The following ENTREP2 variants were observed in gnomAD, a reference collection of about 807,000 sequenced individuals.
ENTREP2 encodes the protein protein ENTREP2.
At chr15:29,480,260 T>A in the ENTREP2 span, among the ~76,000 whole-genome samples, 1 of 146,874 alleles carries the variant, frequency 6.8e-6, no homozygotes, top group African/African-American at 2.5e-5. Flanking sequence ...GAAGCTACAA[T>A]TTCAGTTTTA....
the ENTREP2 span, among the ~76,000 whole-genome samples, chr15:29,241,846 A>C: frequency 7.0e-6 from 1 of 143,146 alleles, no homozygotes; most frequent in African/African-American, 2.6e-5. Context: ...TAGCCTATGC[A>C]ATACAGTGAG....
At chr15:29,122,895 G>C in the ENTREP2 span, 1 of 157,206 alleles carries the variant, frequency 6.4e-6, no homozygotes, top group African/African-American at 2.4e-5. Context: ...TTCATGACTC[G>C]ATGTCACCCT....
the ENTREP2 span, among the ~76,000 whole-genome samples, chr15:29,227,936 G>A: frequency 6.6e-6 from 1 of 151,910 alleles, no homozygotes; most frequent in Admixed American, 6.6e-5. Flanking sequence ...ACAGGATTGA[G>A]ACTAAACATC....
chr15:29,237,925 A>G, the ENTREP2 span, among the ~76,000 whole-genome samples: 7 of 152,192 alleles, frequency 4.6e-5, no homozygotes, highest in African/African-American at 1.7e-4. Flanking sequence ...CACTGTTCAT[A>G]ATAGCCAAAA....
the ENTREP2 span, among the ~76,000 whole-genome samples, chr15:29,645,177 C>A: frequency 6.6e-6 from 1 of 152,158 alleles, no homozygotes; most frequent in Non-Finnish European, 1.5e-5. Context: ...GAAAAGAAAT[C>A]CATGGCCCTC....
the ENTREP2 span, among the ~76,000 whole-genome samples, chr15:29,487,018 T>C: frequency 6.6e-6 from 1 of 152,118 alleles, no homozygotes; most frequent in African/African-American, 2.4e-5. Context: ...TTATATATTC[T>C]CAAAAAGCTA....
chr15:29,154,573 A>G, the ENTREP2 span, among the ~76,000 whole-genome samples: 9 of 152,208 alleles, frequency 5.9e-5, no homozygotes, highest in Admixed American at 1.3e-4. Context: ...ATCTTTCACC[A>G]CAAAGGCTAT....
At chr15:29,513,352 G>C in the ENTREP2 span, among the ~76,000 whole-genome samples, 1 of 152,140 alleles carries the variant, frequency 6.6e-6, no homozygotes, top group Admixed American at 6.6e-5. Flanking sequence ...AAAATATGAA[G>C]CCACTAAAAG....
At chr15:29,297,965 C>A in the ENTREP2 span, among the ~76,000 whole-genome samples, 53 of 152,210 alleles carry the variant, frequency 3.5e-4, no homozygotes, top group Non-Finnish European at 7.2e-4. Flanking sequence ...GCTGAATGCA[C>A]ATGGTTTTTA....
the ENTREP2 span, among the ~76,000 whole-genome samples, chr15:29,647,452 A>G: frequency 6.6e-6 from 1 of 152,208 alleles, no homozygotes; most frequent in African/African-American, 2.4e-5. Flanking sequence ...GGTTTCCCGC[A>G]GTGCCCCACT....
the ENTREP2 span, among the ~76,000 whole-genome samples, chr15:29,343,648 C>T: frequency 6.6e-6 from 1 of 152,006 alleles, no homozygotes; most frequent in African/African-American, 2.4e-5. Flanking sequence ...CTCTGGAGAA[C>T]CCTGATTAAC....
chr15:29,389,396 G>A, the ENTREP2 span, among the ~76,000 whole-genome samples: 134 of 152,166 alleles, frequency 8.8e-4, no homozygotes, highest in African/African-American at 3.1e-3. Context: ...TCCAGGAGGG[G>A]CAGCACAGGC....
chr15:29,502,410 C>T, the ENTREP2 span, among the ~76,000 whole-genome samples: 1 of 151,724 alleles, frequency 6.6e-6, no homozygotes, highest in East Asian at 1.9e-4. Flanking sequence ...AAGTTGGACC[C>T]CACCTTATAC....
At chr15:29,288,856 C>T in the ENTREP2 span, among the ~76,000 whole-genome samples, 7 of 152,002 alleles carry the variant, frequency 4.6e-5, no homozygotes, top group African/African-American at 1.2e-4. Context: ...TGTATATATC[C>T]GCCCAACAAA....
At chr15:29,636,376 A>T in the ENTREP2 span, among the ~76,000 whole-genome samples, 1 of 152,198 alleles carries the variant, frequency 6.6e-6, no homozygotes, top group African/African-American at 2.4e-5. Context: ...CTGGCCCTTC[A>T]CCATGAGAAC....
At chr15:29,657,498 G>A in the ENTREP2 span, among the ~76,000 whole-genome samples, 1 of 143,778 alleles carries the variant, frequency 7.0e-6, no homozygotes, top group Non-Finnish European at 1.5e-5. Context: ...GGGGGGGGTG[G>A]CCAGCTTTTA....
chr15:29,649,332 A>T, the ENTREP2 span, among the ~76,000 whole-genome samples: 1 of 152,240 alleles, frequency 6.6e-6, no homozygotes, highest in Non-Finnish European at 1.5e-5. Context: ...CCTTGTTCTT[A>T]GGAGTTATTT....
At chr15:29,529,117 A>T in the ENTREP2 span, among the ~76,000 whole-genome samples, 1 of 110,810 alleles carries the variant, frequency 9.0e-6, no homozygotes, top group Non-Finnish European at 1.9e-5. Flanking sequence ...CCAACCTGCA[A>T]AACAAAAGCC....
chr15:29,612,206 T>C, the ENTREP2 span, among the ~76,000 whole-genome samples: 1 of 152,198 alleles, frequency 6.6e-6, no homozygotes, highest in Non-Finnish European at 1.5e-5. Context: ...GTCAGAATAC[T>C]GGGCTTTGTC....
Sources: gnomAD v4.1 joint callset for allele counts (sites outside exome capture counted in the v4.1 genomes callset) on GRCh38, gnomAD v4.1.1 for gene constraint, MANE v1.5 for transcripts, NCBI Gene and HGNC (gene_info 2026-07-23, HGNC 2026-07-21) for gene names.